The following SLC35E3 variants were observed in gnomAD, a reference collection of about 807,000 sequenced individuals.
SLC35E3 encodes the protein solute carrier family 35 member E3.
In SLC35E3, 28 loss-of-function variants were observed where a neutral mutation model predicts 30.8. The ratio of observed to expected loss-of-function variants is 0.91; its 90% confidence interval spans 0.67 to 1.25. SLC35E3 has a LOEUF of 1.25. SLC35E3 is among the 50% of genes most tolerant of loss of function. The probability of loss-of-function intolerance (pLI) is 0.00; values close to 1 mark genes in which losing one functional copy is unlikely to be tolerated. For missense variants in SLC35E3, 365 were observed against 375.4 expected (o/e 0.97, Z 0.23); for synonymous variants, 146 against 149.2 (o/e 0.98, Z 0.16).
intron 4 of SLC35E3, among the ~76,000 whole-genome samples, chr12:68,762,689 G>A (rs1017240907): frequency 1.3e-5 from 2 of 152,186 alleles, no homozygotes; most frequent in Non-Finnish European, 2.9e-5. Context: ...GAGAAGCTGA[G>A]GAGTAAAGAA....
intron 1 of SLC35E3, among the ~76,000 whole-genome samples, chr12:68,747,492 C>T (rs920005427): frequency 2.0e-5 from 3 of 152,176 alleles, no homozygotes; most frequent in African/African-American, 7.2e-5. Flanking sequence ...TGGTCTCGAA[C>T]TCTGACCTCA....
In SLC35E3 at chr12:68,770,158, G is replaced by A. The variant is rs1879564858; in HGVS notation, c.*5268G>A. 6.6e-6 allele frequency: 1 copy of A among 152,194 alleles called. No individual in the cohort carries two copies. Among genetic ancestry groups the A allele is most frequent in the African/African-American group, 2.4e-5 (1 of 41,432 alleles). 9.4% of individuals were successfully genotyped at this position (152,194 alleles called of 1,614,324 possible). A position where few individuals can be genotyped will look rare whatever the true frequency, so the allele number is the denominator to read the frequency against. ...AGCACATACAAATGCCTAGTGGTTG[G>A]AGGAATTGTGATGCTTTTAAAGAAC... On this transcript the variant is annotated 3_prime_UTR_variant, in exon 5 of 5. Coordinates refer to ENST00000398004, the MANE Select transcript of SLC35E3 (RefSeq NM_018656.5).
rs1013705572 is a variant in SLC35E3, at chr12:68,765,400, T to G, written c.*510T>G. 1 of 152,222 alleles carries G rather than the reference T, an allele frequency of 6.6e-6. No individual in the cohort carries two copies. Among genetic ancestry groups the G allele is most frequent in the East Asian group, 1.9e-4 (1 of 5,192 alleles). 9.4% of individuals were successfully genotyped at this position (152,222 alleles called of 1,614,324 possible). ...TCTCTAAAACCGAAATGGTTCATGC[T>G]TCTTTTTAAAAATGATTGTATAAAA... On this transcript the variant is annotated 3_prime_UTR_variant, in exon 5 of 5. Transcript: ENST00000398004.
At chr12:68,749,499 G>A (rs1212170588) in intron 2 of SLC35E3, among the ~76,000 whole-genome samples, 8 of 152,148 alleles carry the variant, frequency 5.3e-5, no homozygotes, top group African/African-American at 1.9e-4. Flanking sequence ...TCTGCATTAT[G>A]TTCACCCTTG....
In SLC35E3 at chr12:68,768,456, A is replaced by G. The variant is rs1472889092; in HGVS notation, c.*3566A>G. The G allele has an allele frequency of 1.3e-5, 2 of 152,180 alleles. No individual in the cohort carries two copies. Among genetic ancestry groups the G allele is most frequent in the African/African-American group, 4.8e-5 (2 of 41,446 alleles). The allele number at this position is 152,180 out of a possible 1,614,324, so 9.4% of individuals were successfully genotyped here. On this transcript the variant is annotated 3_prime_UTR_variant, in exon 5 of 5. Transcript: ENST00000398004. The stretch of plus-strand genomic sequence containing the variant: ...AGTACTGCTAAAACTTGAGTCTGAT[A>G]AACTTTTTTGCCCCGAAGATAATCA...
chr12:68,753,038 C>T (rs568774740), intron 3 of SLC35E3, among the ~76,000 whole-genome samples: 32 of 148,002 alleles, frequency 2.2e-4, no homozygotes, highest in Middle Eastern at 7.3e-3. Context: ...CCCAGCTACT[C>T]AAGGAGGCTG....
In SLC35E3 at chr12:68,766,041, G is replaced by A. The variant is rs1032451505; in HGVS notation, c.*1151G>A. 6.6e-6 allele frequency: 1 copy of A among 151,644 alleles called. No homozygotes were observed. The highest frequency in any genetic ancestry group is 2.4e-5 in the African/African-American group (1 of 41,250). 9.4% of individuals were successfully genotyped at this position (151,644 alleles called of 1,614,324 possible). A position where few individuals can be genotyped will look rare whatever the true frequency, so the allele number is the denominator to read the frequency against. On this transcript the variant is annotated 3_prime_UTR_variant, in exon 5 of 5. Coordinates refer to ENST00000398004, the MANE Select transcript of SLC35E3 (RefSeq NM_018656.5). The stretch of plus-strand genomic sequence containing the variant: ...ATATAAATGAAATCTCATTTATAAA[G>A]TATAATAAAGATGACTGTAAGACAA...
At position 68,772,983 on chromosome 12, in the gene SLC35E3, A is replaced by ATTTT. The variant is rs1879648038; in HGVS notation, c.*8093_*8094insTTTT. 6.6e-6 allele frequency: 1 copy of ATTTT among 152,284 alleles called. No homozygotes were observed. Among genetic ancestry groups the ATTTT allele is most frequent in the Non-Finnish European group, 1.5e-5 (1 of 68,160 alleles). The allele number at this position is 152,284 out of a possible 1,614,324, so 9.4% of individuals were successfully genotyped here. A position where few individuals can be genotyped will look rare whatever the true frequency, so the allele number is the denominator to read the frequency against. ...GATGGGACGTTCAAGCAGAAACAAA[A>ATTTT]AGAGGAGCTAAAAGTGAAAGCCACC... is the stretch of plus-strand genomic sequence containing the variant. On this transcript the variant is annotated 3_prime_UTR_variant, in exon 5 of 5. Transcript: ENST00000398004.
intron 2 of SLC35E3, among the ~76,000 whole-genome samples, chr12:68,751,075 A>AT (rs1195528125): frequency 6.6e-6 from 1 of 152,038 alleles, no homozygotes; most frequent in African/African-American, 2.4e-5. Context: ...ATGGTATGGT[A>AT]TTTTAGGGTT....
At position 68,769,241 on chromosome 12, in the gene SLC35E3, CAAT is replaced by C. The variant is rs10590682; in HGVS notation, c.*4369_*4371del. 0.77 allele frequency: 115,772 copies of C among 151,052 alleles called. 44,802 individuals carry two copies. The highest frequency in any genetic ancestry group is 0.86 in the African/African-American group (35,415 of 41,180). The allele number at this position is 151,052 out of a possible 1,614,324, so 9.4% of individuals were successfully genotyped here. A position where few individuals can be genotyped will look rare whatever the true frequency, so the allele number is the denominator to read the frequency against. ...TGGGCAACAGAGCAAGACTCCATCT[CAAT>C]AATAATAATAATAATAACAAAGCAG... On this transcript the variant is annotated 3_prime_UTR_variant, in exon 5 of 5. Coordinates refer to ENST00000398004, the MANE Select transcript of SLC35E3 (RefSeq NM_018656.5).
intron 3 of SLC35E3, among the ~76,000 whole-genome samples, chr12:68,758,294 C>T (rs1268804356): frequency 2.6e-5 from 4 of 151,958 alleles, no homozygotes; most frequent in African/African-American, 9.7e-5. Context: ...GTGGCAGGCG[C>T]CTGTAGTCCC....
rs1057123763 is a variant in SLC35E3 at position 68,777,887 on chromosome 12, G to A, written c.*12997G>A. Reference sequence around the variant, plus strand: ...AATCCCAGCACTTTGGGAGGCCAAGGTGGGCGGATCACTTGAGATCAGGAG... The same window carrying A: ...AATCCCAGCACTTTGGGAGGCCAAGATGGGCGGATCACTTGAGATCAGGAG... On this transcript the variant is annotated 3_prime_UTR_variant, in exon 5 of 5. Coordinates refer to ENST00000398004, the MANE Select transcript of SLC35E3 (RefSeq NM_018656.5). 3.3e-5 allele frequency: 5 copies of A among 152,534 alleles called. No homozygotes were observed. The highest frequency in any genetic ancestry group is 4.8e-5 in the African/African-American group (2 of 41,578). 9.4% of individuals were successfully genotyped at this position (152,534 alleles called of 1,614,324 possible).
rs1368518926 is a variant in SLC35E3, at chr12:68,767,678, G to C, written c.*2788G>C. ...TTTTTTTTCCTGGACTCTGAAATGA[G>C]AAGCCTCGCTGAAAATCTGTTTTGG... is the stretch of plus-strand genomic sequence containing the variant. On this transcript the variant is annotated 3_prime_UTR_variant, in exon 5 of 5. Transcript: ENST00000398004. 6.6e-6 allele frequency: 1 copy of C among 152,016 alleles called. No individual in the cohort carries two copies. Among genetic ancestry groups the C allele is most frequent in the East Asian group, 1.9e-4 (1 of 5,196 alleles). The allele number at this position is 152,016 out of a possible 1,614,324, so 9.4% of individuals were successfully genotyped here. A position where few individuals can be genotyped will look rare whatever the true frequency, so the allele number is the denominator to read the frequency against.
rs145269194 is a variant in SLC35E3 at position 68,746,601 on chromosome 12, C to T, written c.224C>T (p.Ser75Phe). ...DIFAPKSLPP[S>F]RLLLLALSFC... ...TTTGCCCCCAAAAGTCTGCCGCCCT[C>T]CAGGCTCCTCCTCCTGGCCCTCAGC... The change falls in exon 1 of 5, where the codon TCC (serine) becomes TTC (phenylalanine). Residue 75 changes from serine to phenylalanine, a missense_variant. Transcript: ENST00000398004. 740 of 1,614,258 alleles carry T rather than the reference C, an allele frequency of 4.6e-4. 12 individuals are homozygous for T. The East Asian group carries it at 0.016, about 35-fold the overall frequency.
chr12:68,746,538 CCTGG>C lies in SLC35E3; in HGVS notation c.166_169del (p.Leu56AlafsTer44). On this transcript the variant is annotated frameshift_variant, in exon 1 of 5. Transcript: ENST00000398004. LOFTEE classifies it high-confidence loss of function. ...CTGACCCTGGTGCACTTCGTGGTCA[CCTGG>C]CTGGGCTTGTATATCTGCCAGAAGC... The C allele has an allele frequency of 3.1e-6, 5 of 1,614,232 alleles. No homozygotes were observed. Among genetic ancestry groups the C allele is most frequent in the Non-Finnish European group, 4.2e-6 (5 of 1,180,036 alleles).
At position 68,746,263 on chromosome 12, in the gene SLC35E3, C is replaced by A; in HGVS notation, c.-115C>A. On this transcript the variant is annotated 5_prime_UTR_variant, in exon 1 of 5. The change creates a new upstream start codon in the 5' untranslated region. Transcript: ENST00000398004. ...CGGGGTTGATCTGTGCATGCCACTC[C>A]TGGGTCAGACGGTGAGGTCGGCGTC... 3 of 1,026,168 alleles carry A rather than the reference C, an allele frequency of 2.9e-6. No homozygotes were observed. Among genetic ancestry groups the A allele is most frequent in the East Asian group, 2.5e-5 (1 of 39,340 alleles). The allele number at this position is 1,026,168 out of a possible 1,614,324, so 63.6% of individuals were successfully genotyped here.
chr12:68,759,075 A>T (rs180844566), intron 3 of SLC35E3, 82 bp from the exon 4 acceptor site: 91 of 1,065,320 alleles, frequency 8.5e-5, no homozygotes, highest in Admixed American at 7.1e-4. Context: ...TGAATTTTTT[A>T]AAATGCCGAA....
At chr12:68,760,269 A>G (rs1879196124) in intron 4 of SLC35E3, 1 of 152,198 alleles carries the variant, frequency 6.6e-6, no homozygotes, top group Non-Finnish European at 1.5e-5. Flanking sequence ...GTTTCTCTTC[A>G]CATTTCACTC....
intron 1 of SLC35E3, 44 bp from the exon 2 acceptor site, chr12:68,747,886 T>C (rs1878652951): frequency 9.8e-7 from 1 of 1,025,244 alleles, no homozygotes; most frequent in Non-Finnish European, 1.5e-6. Context: ...AATTTTTGTC[T>C]CTTGAATTTA....
Sources: allele counts gnomAD v4.1 joint callset (sites outside exome capture counted in the v4.1 genomes callset), GRCh38; gene constraint gnomAD v4.1.1; transcripts MANE v1.5; gene names NCBI Gene and HGNC (gene_info 2026-07-23, HGNC 2026-07-21).